CNTNAP2: variants seen among roughly 807,000 people sequenced by gnomAD.
CNTNAP2 encodes the protein contactin-associated protein-like 2.
Under a neutral mutation model 155.2 loss-of-function variants are expected in CNTNAP2, and 98 were observed. The observed-to-expected ratio is 0.63, with a 90% CI of 0.54 to 0.75. The LOEUF is 0.75. CNTNAP2 is among the 30% of genes least tolerant of loss of function. The probability of loss-of-function intolerance (pLI) is 0.00; values close to 1 mark genes in which losing one functional copy is unlikely to be tolerated. For missense variants in CNTNAP2, 1,727 were observed against 1,688.1 expected (o/e 1.02, Z -0.40); for synonymous variants, 651 against 631.2 (o/e 1.03, Z -0.47).
At chr7:148,197,033 A>G (rs972129406) in intron 18 of CNTNAP2, among the ~76,000 whole-genome samples, 5 of 152,210 alleles carry the variant, frequency 3.3e-5, no homozygotes, top group Non-Finnish European at 7.3e-5. Context: ...GTGCCAGTTT[A>G]TATACCTTTA....
At chr7:147,169,775 G>C (rs2116473359) in intron 8 of CNTNAP2, among the ~76,000 whole-genome samples, 1 of 152,206 alleles carries the variant, frequency 6.6e-6, no homozygotes, top group African/African-American at 2.4e-5. Flanking sequence ...TTCTAAAACT[G>C]AATCAGTAAT....
intron 1 of CNTNAP2, among the ~76,000 whole-genome samples, chr7:146,714,382 C>T (rs751566925): frequency 1.3e-5 from 2 of 152,176 alleles, no homozygotes; most frequent in Admixed American, 1.3e-4. Context: ...AAACACCATA[C>T]TATATTTAAA....
At chr7:147,316,933 A>G (rs1314328491) in intron 9 of CNTNAP2, among the ~76,000 whole-genome samples, 6 of 152,322 alleles carry the variant, frequency 3.9e-5, no homozygotes, top group Non-Finnish European at 5.9e-5. Context: ...ATACAATACA[A>G]ATTTATAATT....
At chr7:146,167,353 A>C (rs1798327300) in intron 1 of CNTNAP2, among the ~76,000 whole-genome samples, 1 of 152,230 alleles carries the variant, frequency 6.6e-6, no homozygotes. Flanking sequence ...ATTGGAGAGA[A>C]TATGAAAGAC....
intron 8 of CNTNAP2, among the ~76,000 whole-genome samples, chr7:147,262,480 GAC>G (rs200127860): frequency 0.012 from 1,846 of 152,246 alleles, 41 homozygotes; most frequent in African/African-American, 0.041. Flanking sequence ...TTAGGACACA[GAC>G]ACACACAGAG....
At chr7:147,834,933 C>T (rs1798611041) in intron 13 of CNTNAP2, among the ~76,000 whole-genome samples, 1 of 152,144 alleles carries the variant, frequency 6.6e-6, no homozygotes, top group South Asian at 2.1e-4. Flanking sequence ...TATAATTCAA[C>T]TGAATCAGAA....
At chr7:147,995,808 C>T (rs925238723) in intron 15 of CNTNAP2, among the ~76,000 whole-genome samples, 4 of 152,074 alleles carry the variant, frequency 2.6e-5, no homozygotes, top group African/African-American at 7.2e-5. Flanking sequence ...CCACTGTGCC[C>T]GGCCTCCCTG....
At chr7:146,318,265 G>C (rs1440167322) in intron 1 of CNTNAP2, among the ~76,000 whole-genome samples, 1 of 151,816 alleles carries the variant, frequency 6.6e-6, no homozygotes, top group East Asian at 1.9e-4. Flanking sequence ...GTTCTGTTTT[G>C]ATTGTTTTTC....
chr7:146,281,958 A>C (rs1341425033), intron 1 of CNTNAP2, among the ~76,000 whole-genome samples: 1 of 152,176 alleles, frequency 6.6e-6, no homozygotes, highest in Non-Finnish European at 1.5e-5. Flanking sequence ...TTTTATTATA[A>C]ATTGTACCTT....
chr7:147,291,329 C>T (rs1383757037), intron 8 of CNTNAP2, among the ~76,000 whole-genome samples: 1 of 152,102 alleles, frequency 6.6e-6, no homozygotes, highest in Non-Finnish European at 1.5e-5. Context: ...TTTCCCCTCA[C>T]TCCACAACAG....
chr7:147,299,180 C>T (rs978680537), intron 8 of CNTNAP2, among the ~76,000 whole-genome samples: 1 of 150,742 alleles, frequency 6.6e-6, no homozygotes, highest in Admixed American at 6.6e-5. Flanking sequence ...AAGAAAGCCC[C>T]TCTGGCCCTC....
chr7:146,274,451 A>G (rs889220715), intron 1 of CNTNAP2, among the ~76,000 whole-genome samples: 4 of 152,216 alleles, frequency 2.6e-5, no homozygotes, highest in African/African-American at 7.2e-5. Flanking sequence ...TTGATTCTAT[A>G]GTAACACAAA....
At chr7:146,721,240 C>CTATAT (rs1563203311) in intron 1 of CNTNAP2, among the ~76,000 whole-genome samples, 6 of 122,974 alleles carry the variant, frequency 4.9e-5, no homozygotes, top group African/African-American at 1.8e-4. Context: ...TCTATATACT[C>CTATAT]TCTCTATATT....
At chr7:147,690,252 G>A (rs1448543313) in intron 13 of CNTNAP2, among the ~76,000 whole-genome samples, 1 of 152,062 alleles carries the variant, frequency 6.6e-6, no homozygotes, top group African/African-American at 2.4e-5. Flanking sequence ...CAGGCAAACT[G>A]CCTAATATTT....
chr7:147,309,272 C>T (rs1795082533), intron 9 of CNTNAP2, among the ~76,000 whole-genome samples: 2 of 152,130 alleles, frequency 1.3e-5, no homozygotes, highest in Admixed American at 6.6e-5. Context: ...ATATGCCTCT[C>T]TTTGAAATGC....
rs1278328014 is a variant in CNTNAP2, at chr7:147,972,729, T to C, written c.2256-5133T>C. ...CCACTAACAGATATAATTAGCTTAT[T>C]ATGCTAACATGATAAATAGTTACTG... On this transcript the variant is annotated intron_variant, in intron 14 of 23. Coordinates refer to ENST00000361727, the MANE Select transcript of CNTNAP2 (RefSeq NM_014141.6). 3.9e-5 allele frequency among the ~76,000 whole-genome samples: 6 copies of C among 152,236 alleles called. No individual in the cohort carries two copies. The East Asian group carries it at 9.6e-4, about 24-fold the overall frequency.
chr7:146,668,353 G>C (rs1276153697), intron 1 of CNTNAP2, among the ~76,000 whole-genome samples: 3 of 151,718 alleles, frequency 2.0e-5, no homozygotes, highest in South Asian at 2.1e-4. Context: ...TGTGATCTGT[G>C]CTGGATTTAG....
intron 13 of CNTNAP2, among the ~76,000 whole-genome samples, chr7:147,878,955 T>A (rs1420687959): frequency 1.3e-5 from 2 of 152,350 alleles, no homozygotes; most frequent in East Asian, 3.9e-4. Flanking sequence ...TTGCTCTTTT[T>A]GGTACTGACT....
At chr7:146,488,329 C>CTTCT (rs1483737393) in intron 1 of CNTNAP2, among the ~76,000 whole-genome samples, 17 of 136,964 alleles carry the variant, frequency 1.2e-4, no homozygotes, top group African/African-American at 4.5e-4. Context: ...TCCTTCCTTC[C>CTTCT]TCTTGCTTTA....
Sources: allele counts gnomAD v4.1 joint callset (sites outside exome capture counted in the v4.1 genomes callset), GRCh38; gene constraint gnomAD v4.1.1; transcripts MANE v1.5; gene names NCBI Gene and HGNC (gene_info 2026-07-23, HGNC 2026-07-21).